Variants in TRANK1 observed in about 807,000 individuals in gnomAD.
TRANK1 encodes the protein tetratricopeptide repeat and ankyrin repeat containing 1, also known as TPR and ankyrin repeat-containing protein 1.
In TRANK1, 198 loss-of-function variants were observed where a neutral mutation model predicts 266.0. That is an observed-to-expected ratio of 0.74 (90% CI 0.66 to 0.84). The LOEUF is 0.84. Ranked by LOEUF, TRANK1 falls within the 40% of genes least tolerant of loss-of-function variation. The pLI is 0.00. For missense variants in TRANK1, 3,326 were observed against 3,634.6 expected (o/e 0.92, Z 2.18); for synonymous variants, 1,396 against 1,384.1 (o/e 1.01, Z -0.19).
chr3:36,904,588 T>C (rs2079934975), intron 2 of TRANK1, among the ~76,000 whole-genome samples: 1 of 151,578 alleles, frequency 6.6e-6, no homozygotes. Flanking sequence ...CAAAAATCAC[T>C]GTAGATAATG....
At position 36,847,446 on chromosome 3, in the gene TRANK1, C is replaced by G. The variant is rs906045566; in HGVS notation, c.4888-100G>C. ...GGAAAACTAAGCCTCATCGGGGGACCAGGCCTTCAACCCCAACTTTGAGAA... is the reference window on the plus strand; with the variant it reads ...GGAAAACTAAGCCTCATCGGGGGACGAGGCCTTCAACCCCAACTTTGAGAA... On this transcript the variant is annotated intron_variant, in intron 15 of 23. Coordinates refer to ENST00000645898, the MANE Select transcript of TRANK1 (RefSeq NM_001329998.2). 7.5e-6 allele frequency: 10 copies of G among 1,334,900 alleles called. 1 individual carries two copies. Among genetic ancestry groups the G allele is most frequent in the Admixed American group, 2.3e-5 (1 of 43,688 alleles). 82.7% of individuals were successfully genotyped at this position (1,334,900 alleles called of 1,614,324 possible).
At chr3:36,848,490 T>C (rs941816563) in intron 15 of TRANK1, among the ~76,000 whole-genome samples, 2 of 152,212 alleles carry the variant, frequency 1.3e-5, no homozygotes, top group African/African-American at 2.4e-5. Flanking sequence ...AGCCTTTACT[T>C]TTCTTTTTAT....
chr3:36,842,471 T>A, intron 18 of TRANK1, 151 bp downstream of exon 18: 2 of 688,402 alleles, frequency 2.9e-6, no homozygotes. Context: ...GAAGCTCTCC[T>A]CATCTTGAGG....
intron 3 of TRANK1, among the ~76,000 whole-genome samples, chr3:36,901,661 C>T (rs1222807891): frequency 2.0e-5 from 3 of 152,062 alleles, no homozygotes; most frequent in East Asian, 3.9e-4. Context: ...AGCCACTGAA[C>T]CAAAAGAAGG....
At chr3:36,871,900 C>T (rs1347023179) in intron 9 of TRANK1, among the ~76,000 whole-genome samples, 2 of 152,226 alleles carry the variant, frequency 1.3e-5, no homozygotes, top group Non-Finnish European at 2.9e-5. Context: ...CACCCCAACA[C>T]ATGCCCTCTA....
chr3:36,889,873 A>T lies in TRANK1; in HGVS notation c.863T>A (p.Val288Asp). ...GGAGTGGGCAGCGACGACGTGCAGG[A>T]CAGTGCAGCCATCCCCATCCTTCTG... ...INQKDGDGCT[V>D]LHVVAAHSPG... is the part of the protein sequence containing the mutation. The change falls in exon 8 of 24, where the codon GTC becomes GAC. Residue 288 changes from valine (V) to aspartate (D), a missense_variant. Coordinates refer to ENST00000645898, the MANE Select transcript of TRANK1 (RefSeq NM_001329998.2). The T allele has an allele frequency of 2.0e-6, 3 of 1,537,282 alleles. No homozygotes were observed. Among genetic ancestry groups the T allele is most frequent in the Non-Finnish European group, 2.6e-6 (3 of 1,146,906 alleles).
intron 1 of TRANK1, among the ~76,000 whole-genome samples, chr3:36,917,434 C>T (rs1291954715): frequency 6.6e-6 from 1 of 152,110 alleles, no homozygotes; most frequent in East Asian, 1.9e-4. Context: ...GTTTCAGCAA[C>T]AACAGCAGGG....
At chr3:36,926,483 C>T (rs1207732583) in intron 1 of TRANK1, among the ~76,000 whole-genome samples, 2 of 152,182 alleles carry the variant, frequency 1.3e-5, no homozygotes, top group African/African-American at 4.8e-5. Context: ...GAGACCTGGG[C>T]CAATCGATCC....
At chr3:36,852,377 A>C (rs144880778) in intron 13 of TRANK1, 32 bp from the exon 14 acceptor site, 1 of 1,515,684 alleles carries the variant, frequency 6.6e-7, no homozygotes, top group South Asian at 1.3e-5. Flanking sequence ...AAGTTGGATA[A>C]TTAACAACAT....
chr3:36,879,589 CAAATATAT>C lies in TRANK1; in HGVS notation c.908-5301_908-5294del, dbSNP rs1244177648. Among the ~76,000 whole-genome samples, 107 of 61,310 alleles carry C rather than the reference CAAATATAT, an allele frequency of 1.7e-3. 1 individual carries two copies. Among genetic ancestry groups the C allele is most frequent in the African/African-American group, 4.2e-3 (40 of 9,468 alleles). The allele number at this position is 61,310 out of a possible 152,430, so 40.2% of individuals were successfully genotyped here. On this transcript the variant is annotated intron_variant, in intron 8 of 23. Transcript: ENST00000645898. ...AAATATATAAATATATATAAATATA[CAAATATAT>C]AAATATATATAAATATACAAATATA... is the stretch of plus-strand genomic sequence containing the variant.
chr3:36,834,761 C>T lies in TRANK1; in HGVS notation c.5663+1G>A. On this transcript the variant is annotated splice_donor_variant, in intron 21 of 23. Coordinates refer to ENST00000645898, the MANE Select transcript of TRANK1 (RefSeq NM_001329998.2). LOFTEE classifies it high-confidence loss of function. Reference sequence around the variant, plus strand: ...GAAAGGGAGAGAATAAAACCACCTACTTTTCCACTGCAATAGCAGCTTCTT... The same window carrying T: ...GAAAGGGAGAGAATAAAACCACCTATTTTTCCACTGCAATAGCAGCTTCTT... 3.1e-6 allele frequency: 5 copies of T among 1,609,482 alleles called. No individual in the cohort carries two copies. Among genetic ancestry groups the T allele is most frequent in the Non-Finnish European group, 4.2e-6 (5 of 1,178,582 alleles).
At chr3:36,886,045 C>T (rs1196024956) in intron 8 of TRANK1, among the ~76,000 whole-genome samples, 2 of 151,638 alleles carry the variant, frequency 1.3e-5, no homozygotes, top group Admixed American at 6.6e-5. Context: ...GTTGAGAAGC[C>T]TCATTCGTTG....
intron 1 of TRANK1, among the ~76,000 whole-genome samples, chr3:36,926,230 T>G (rs2080286557): frequency 6.6e-6 from 1 of 152,212 alleles, no homozygotes; most frequent in South Asian, 2.1e-4. Context: ...TCTGTTTTTA[T>G]TCGTCTATCA....
intron 1 of TRANK1, among the ~76,000 whole-genome samples, chr3:36,942,224 A>T (rs577701735): frequency 6.6e-6 from 1 of 152,330 alleles, no homozygotes; most frequent in South Asian, 2.1e-4. Flanking sequence ...CCACAAGGCC[A>T]GTCTCTATTT....
chr3:36,924,007 G>C (rs1420444433), intron 1 of TRANK1, among the ~76,000 whole-genome samples: 6 of 152,150 alleles, frequency 3.9e-5, no homozygotes, highest in Admixed American at 1.3e-4. Context: ...CACACGTTTG[G>C]GGTAACTCAG....
At position 36,861,146 on chromosome 3, in the gene TRANK1, G is replaced by T. The variant is rs762662551; in HGVS notation, c.1255C>A (p.Leu419Met). ...LSTLQEIPPD[L>M]VCDINQDCAT... ...CAGTCTTGATTAATATCACAGACCA[G>T]GTCAGGAGGAATTTCTTTCAAAAAT... Residue 419 changes from leucine to methionine, a missense_variant, in exon 11 of 24, where the codon CTG becomes ATG. Leu to Met is a conservative substitution (Grantham distance 15, BLOSUM62 2). Transcript: ENST00000645898. 6.5e-7 allele frequency: 1 copy of T among 1,536,356 alleles called. No individual in the cohort carries two copies. The highest frequency in any genetic ancestry group is 8.7e-7 in the Non-Finnish European group (1 of 1,146,316).
At position 36,939,960 on chromosome 3, in the gene TRANK1, G is replaced by A. The variant is rs567198614; in HGVS notation, c.23+4827C>T. 7.9e-5 allele frequency among the ~76,000 whole-genome samples: 12 copies of A among 151,456 alleles called. 1 individual carries two copies. In the East Asian group the frequency reaches 2.4e-3, roughly 30 times the overall value. The stretch of plus-strand genomic sequence containing the variant: ...GGCTTGAGTGCAGTGGTGCAATCTT[G>A]GCTCACTGCAACCTCCACCTCCCGG... On this transcript the variant is annotated intron_variant, in intron 1 of 23. Coordinates refer to ENST00000645898, the MANE Select transcript of TRANK1 (RefSeq NM_001329998.2).
rs2079075877 is a variant in TRANK1, at chr3:36,857,562, A to T, written c.2160T>A (p.Pro720=). The change falls in exon 13 of 24, where the codon CCT becomes CCA. Residue 720 remains proline, a synonymous_variant. Coordinates refer to ENST00000645898, the MANE Select transcript of TRANK1 (RefSeq NM_001329998.2). The surrounding 1 kb of genome is among the most constrained non-coding windows in gnomAD (Gnocchi z 4.3). ...TCAGCGAGCAGGGCCTGAGAGCTCC[A>T]GGCTCCTTCCTGGTCACCTGGGTAC... The part of the protein sequence containing the change: ...LPGTQVTRKE[P]GALRPCSLRD... 1 of 1,614,056 alleles carries T rather than the reference A, an allele frequency of 6.2e-7. No individual in the cohort carries two copies. The highest frequency in any genetic ancestry group is 8.5e-7 in the Non-Finnish European group (1 of 1,179,886).
chr3:36,929,736 T>C (rs1409398868), intron 1 of TRANK1, among the ~76,000 whole-genome samples: 1 of 152,260 alleles, frequency 6.6e-6, no homozygotes, highest in East Asian at 1.9e-4. Context: ...TTTACCGATG[T>C]AATTATCATT....
Sources: gnomAD v4.1 joint callset for allele counts (sites outside exome capture counted in the v4.1 genomes callset) on GRCh38, gnomAD v4.1.1 for gene constraint, Gnocchi (gnomAD v3.1) non-coding constraint, MANE v1.5 for transcripts, NCBI Gene and HGNC (gene_info 2026-07-23, HGNC 2026-07-21) for gene names.